NEDD8: variants seen among roughly 807,000 people sequenced by gnomAD.
NEDD8 encodes the protein ubiquitin-like protein NEDD8.
Under a neutral mutation model 13.8 loss-of-function variants are expected in NEDD8, and 1 was observed. The ratio of observed to expected loss-of-function variants is 0.07; its 90% CI spans 0.03 to 0.34. The LOEUF is 0.34. Ranked by LOEUF, NEDD8 falls within the 10% of genes least tolerant of loss-of-function variation. The pLI, the probability that NEDD8 is intolerant of heterozygous loss-of-function variation, is 0.99. For missense variants in NEDD8, 10 were observed against 95.2 expected (o/e 0.10, Z 3.73); for synonymous variants, 31 against 33.2 (o/e 0.93, Z 0.23).
chr14:24,217,342 T>A, intron 3 of NEDD8, 119 bp from the exon 4 acceptor site: 1 of 791,414 alleles, frequency 1.3e-6, no homozygotes. Context: ...TAGGCTGGAG[T>A]ACAGTGGCAC....
intron 1 of NEDD8, among the ~76,000 whole-genome samples, chr14:24,224,051 C>A (rs1373836568): frequency 6.6e-6 from 1 of 152,034 alleles, no homozygotes; most frequent in Non-Finnish European, 1.5e-5. Context: ...CCTCAGCCTC[C>A]AGAGTAGCTG....
intron 1 of NEDD8, chr14:24,231,623 T>C (rs1485121121): frequency 1.3e-5 from 2 of 151,262 alleles, no homozygotes; most frequent in East Asian, 3.9e-4. Context: ...CCATGGCTAG[T>C]AGCAAGAACT....
At position 24,232,325 on chromosome 14, in the gene NEDD8, C is replaced by T. The variant is rs2040062146; in HGVS notation, c.-58G>A. ...ATTGCTGCTCCTACCGCTCCGGTCG[C>T]CGCTGCCGCCCTCCAGCACTCTTGC... On this transcript the variant is annotated 5_prime_UTR_variant, in exon 1 of 4. Transcript: ENST00000250495. 6.2e-7 allele frequency: 1 copy of T among 1,608,772 alleles called. No homozygotes were observed. The highest frequency in any genetic ancestry group is 1.1e-5 in the South Asian group (1 of 90,952).
intron 1 of NEDD8, among the ~76,000 whole-genome samples, chr14:24,219,666 A>G: frequency 6.6e-6 from 1 of 152,150 alleles, no homozygotes; most frequent in Non-Finnish European, 1.5e-5. Context: ...GCAGTCATAA[A>G]TGTTGTGTCT....
At chr14:24,231,492 CG>C (rs2138919783) in intron 1 of NEDD8, among the ~76,000 whole-genome samples, 1 of 2,002 alleles carries the variant, frequency 5.0e-4, no homozygotes, top group East Asian at 0.014. Context: ...TTGAGGGGGG[CG>C]TGGGGGGGGG....
chr14:24,225,075 A>G (rs554324408), intron 1 of NEDD8, among the ~76,000 whole-genome samples: 53 of 152,068 alleles, frequency 3.5e-4, no homozygotes, highest in Middle Eastern at 3.4e-3. Flanking sequence ...ACGAGAATAC[A>G]AGAATCACTT....
chr14:24,230,114 G>A (rs2039965854), intron 1 of NEDD8, among the ~76,000 whole-genome samples: 1 of 148,974 alleles, frequency 6.7e-6, no homozygotes, highest in Admixed American at 6.8e-5. Flanking sequence ...TTTTGACAGT[G>A]ATCCATTCTA....
intron 1 of NEDD8, among the ~76,000 whole-genome samples, chr14:24,219,191 G>T (rs2039757321): frequency 6.6e-6 from 1 of 152,002 alleles, no homozygotes. Flanking sequence ...GCTGGGCATG[G>T]TGGCTCACAC....
Position 24,218,219 on chromosome 14 carries a change from TAG to T in NEDD8, c.67-6_67-5del, listed in dbSNP as rs745620837. On this transcript the variant is annotated splice_polypyrimidine_tract_variant and splice_region_variant and intron_variant, in intron 2 of 3. Coordinates refer to ENST00000250495, the MANE Select transcript of NEDD8 (RefSeq NM_006156.3). ...CACGCTCCTTGATTCGCTCCACCTT[TAG>T]AGAGACAAGTAGTCAGGGGCTGCTG... The T allele has an allele frequency of 3.1e-6, 5 of 1,614,144 alleles. No homozygotes were observed. The African/African-American group carries it at 5.3e-5, about 17-fold the overall frequency.
chr14:24,231,063 G>T (rs1365826192), intron 1 of NEDD8, among the ~76,000 whole-genome samples: 1 of 151,980 alleles, frequency 6.6e-6, no homozygotes, highest in African/African-American at 2.4e-5. Context: ...CTAATTTTTT[G>T]AATTTATTGT....
In NEDD8 at chr14:24,219,008, A is replaced by C. The variant is rs539142244; in HGVS notation, c.19-577T>G. 8.1e-4 allele frequency among the ~76,000 whole-genome samples: 124 copies of C among 152,232 alleles called. No homozygotes were observed. In the Middle Eastern group the frequency reaches 0.014, roughly 17 times the overall value. On this transcript the variant is annotated intron_variant, in intron 1 of 3. Transcript: ENST00000250495. ...TGATCCACCCGCCTCAGCCTCCCAA[A>C]GTGCTGGGATTACAGGGGTAAGCCA... is the stretch of plus-strand genomic sequence containing the variant.
intron 1 of NEDD8, among the ~76,000 whole-genome samples, chr14:24,231,078 G>T (rs756104124): frequency 2.6e-5 from 4 of 151,974 alleles, no homozygotes; most frequent in Non-Finnish European, 5.9e-5. Flanking sequence ...TATTGTACAG[G>T]CAGGGTTTCG....
rs1029461637 is a variant in NEDD8 at position 24,228,685 on chromosome 14, C to A, written c.18+3565G>T. On this transcript the variant is annotated intron_variant, in intron 1 of 3. Transcript: ENST00000250495. The stretch of plus-strand genomic sequence containing the variant: ...AGTAAGCTGTGATGGCACCACTGCA[C>A]CCTAAGCCTGGGCGACAGAGTGAGA... The A allele has an allele frequency of 4.6e-5, 6 of 129,804 alleles. No individual in the cohort carries two copies. The Admixed American group carries it at 5.4e-4, about 12-fold the overall frequency. The allele number at this position is 129,804 out of a possible 1,614,324, so 8.0% of individuals were successfully genotyped here.
chr14:24,219,088 T>C (rs919980791), intron 1 of NEDD8, among the ~76,000 whole-genome samples: 1 of 152,110 alleles, frequency 6.6e-6, no homozygotes, highest in Non-Finnish European at 1.5e-5. Flanking sequence ...TTGTTCTAAA[T>C]ATCAATGCTA....
At chr14:24,218,712 T>C (rs930127328) in intron 1 of NEDD8, 9 of 524,986 alleles carry the variant, frequency 1.7e-5, no homozygotes, top group East Asian at 6.5e-5. Flanking sequence ...AGTGAGAATA[T>C]TGGCATTATT....
At chr14:24,229,369 GC>G (rs752887145) in intron 1 of NEDD8, among the ~76,000 whole-genome samples, 75 of 152,186 alleles carry the variant, frequency 4.9e-4, no homozygotes, top group Non-Finnish European at 8.2e-4. Context: ...ACAGGTGTGT[GC>G]CACCACACTC....
intron 1 of NEDD8, among the ~76,000 whole-genome samples, chr14:24,230,607 T>C (rs1384286826): frequency 1.4e-5 from 2 of 144,908 alleles, no homozygotes; most frequent in South Asian, 2.2e-4. Flanking sequence ...TTTCTCCCCC[T>C]CTCTCTTTCT....
At chr14:24,223,249 T>C (rs2039836808) in intron 1 of NEDD8, among the ~76,000 whole-genome samples, 1 of 151,714 alleles carries the variant, frequency 6.6e-6, no homozygotes, top group Non-Finnish European at 1.5e-5. Context: ...ACAATAAAAT[T>C]AGCCAGGCAT....
intron 1 of NEDD8, among the ~76,000 whole-genome samples, chr14:24,225,404 CA>C (rs1286976969): frequency 3.3e-5 from 5 of 151,928 alleles, no homozygotes; most frequent in Admixed American, 2.6e-4. Context: ...AGTAAGCAAT[CA>C]GTTAAATTTT....
Sources: gnomAD v4.1 joint callset for allele counts (sites outside exome capture counted in the v4.1 genomes callset) on GRCh38, gnomAD v4.1.1 for gene constraint, MANE v1.5 for transcripts, NCBI Gene and HGNC (gene_info 2026-07-23, HGNC 2026-07-21) for gene names.